Variants in SCO1 observed in about 807,000 individuals in gnomAD.
The protein encoded by SCO1 is cytochrome c oxidase assembly factor SCO1.
In SCO1, 23 loss-of-function variants were observed where a neutral mutation model predicts 34.0. The observed-to-expected ratio is 0.68, with a 90% CI of 0.49 to 0.96. The LOEUF (loss-of-function observed/expected upper bound fraction) is 0.96, where lower values mean the gene tolerates loss of function less well. Among genes scored for constraint, SCO1 ranks in the 40% least tolerant of loss-of-function variants. SCO1 has a pLI of 0.00. For missense variants in SCO1, 404 were observed against 381.6 expected (o/e 1.06, Z -0.49); for synonymous variants, 161 against 145.5 (o/e 1.11, Z -0.77).
Position 10,697,260 on chromosome 17 carries a change from T to A in SCO1, c.248A>T (p.Asp83Val). 2 of 1,561,510 alleles carry A rather than the reference T, an allele frequency of 1.3e-6. No homozygotes were observed. Among genetic ancestry groups the A allele is most frequent in the Non-Finnish European group, 1.7e-6 (2 of 1,152,514 alleles). Residue 83 changes from aspartate to valine, a missense_variant, in exon 1 of 6, where the codon GAC (aspartate) becomes GTC (valine). Coordinates refer to ENST00000255390, the MANE Select transcript of SCO1 (RefSeq NM_004589.4). ...CCCGGGCTTCGAGGGGCGCGTGGAG[T>A]CTCCGGGGCCCTTCTGCGACCACGG... ...PPPWSQKGPG[D>V]STRPSKPGPV...
intron 4 of SCO1, among the ~76,000 whole-genome samples, chr17:10,689,996 C>A (rs1227888783): frequency 6.6e-6 from 1 of 152,132 alleles, no homozygotes; most frequent in East Asian, 1.9e-4. Context: ...GATATCCCTA[C>A]ATAGTAGAAT....
In SCO1 at chr17:10,681,060, T is replaced by C; in HGVS notation, c.*59A>G. The C allele has an allele frequency of 1.9e-6, 3 of 1,597,470 alleles. No homozygotes were observed. In the South Asian group the frequency reaches 3.3e-5, roughly 18 times the overall value. On this transcript the variant is annotated 3_prime_UTR_variant, in exon 6 of 6. Coordinates refer to ENST00000255390, the MANE Select transcript of SCO1 (RefSeq NM_004589.4). ...ATGTTTATATTTATATAGGCTCCTATGCGAGACAGTTTCCTTCCTCTTAGC... is the reference window on the plus strand; with the variant it reads ...ATGTTTATATTTATATAGGCTCCTACGCGAGACAGTTTCCTTCCTCTTAGC...
At chr17:10,686,110 C>T (rs2074653707) in intron 5 of SCO1, among the ~76,000 whole-genome samples, 1 of 152,112 alleles carries the variant, frequency 6.6e-6, no homozygotes, top group Non-Finnish European at 1.5e-5. Context: ...GGCGTGGGAG[C>T]ACATGCCTGT....
chr17:10,695,735 A>G lies in SCO1; in HGVS notation c.364+6T>C, dbSNP rs2074718313. ...TACAGGGCTGAGCAGATGATAATCT[A>G]CTTACTCTCTGCCTTTTCTTTCTTG... is the stretch of plus-strand genomic sequence containing the variant. On this transcript the variant is annotated splice_donor_region_variant and intron_variant, in intron 2 of 5. Transcript: ENST00000255390. 8.2e-6 allele frequency: 13 copies of G among 1,585,842 alleles called. No homozygotes were observed. The highest frequency in any genetic ancestry group is 1.1e-5 in the Non-Finnish European group (13 of 1,154,594).
chr17:10,695,967 G>T, intron 1 of SCO1, 136 bp from the exon 2 acceptor site: 1 of 582,940 alleles, frequency 1.7e-6, no homozygotes, highest in Non-Finnish European at 3.1e-6. Context: ...TCAGGGATGA[G>T]AAAATGCTCA....
intron 1 of SCO1, among the ~76,000 whole-genome samples, chr17:10,696,071 TAAAAAAAA>T (rs869243005): frequency 1.2e-4 from 9 of 73,022 alleles, no homozygotes; most frequent in African/African-American, 4.3e-4. Context: ...TTCATGTAAA[TAAAAAAAA>T]AAAAAAAAAA....
At chr17:10,695,404 A>G (rs1427758425) in intron 2 of SCO1, among the ~76,000 whole-genome samples, 2 of 152,200 alleles carry the variant, frequency 1.3e-5, no homozygotes, top group African/African-American at 4.8e-5. Flanking sequence ...TATCCACAGT[A>G]TATCTTTTAA....
At chr17:10,686,899 C>G (rs1239570420) in intron 4 of SCO1, 57 bp from the exon 5 acceptor site, 15 of 1,126,688 alleles carry the variant, frequency 1.3e-5, no homozygotes, top group Non-Finnish European at 2.0e-5. Context: ...ACAACCATCT[C>G]TACTTCAAAA....
At position 10,674,333 on chromosome 17, in the gene SCO1, G is replaced by A. The variant is rs2074566980; in HGVS notation, c.*6786C>T. ...CCCAGCTACTTGGGAGGCTGAGGCA[G>A]CAGAATCACTTGAACCAGGGAGGTG... On this transcript the variant is annotated 3_prime_UTR_variant, in exon 6 of 6. Coordinates refer to ENST00000255390, the MANE Select transcript of SCO1 (RefSeq NM_004589.4). 1 of 174,346 alleles carries A rather than the reference G, an allele frequency of 5.7e-6. No homozygotes were observed. The allele number at this position is 174,346 out of a possible 1,614,324, so 10.8% of individuals were successfully genotyped here.
At chr17:10,689,050 A>G (rs1490436854) in intron 4 of SCO1, among the ~76,000 whole-genome samples, 1 of 128,358 alleles carries the variant, frequency 7.8e-6, no homozygotes, top group Non-Finnish European at 1.5e-5. Context: ...CGGGAGGCGG[A>G]GCTTGCAGTG....
At position 10,697,246 on chromosome 17, in the gene SCO1, AG is replaced by A. The variant is rs770131276; in HGVS notation, c.261del (p.Ser88ArgfsTer11). The A allele has an allele frequency of 3.7e-5, 58 of 1,558,584 alleles. No homozygotes were observed. Among genetic ancestry groups the A allele is most frequent in the African/African-American group, 5.4e-5 (4 of 73,684 alleles). On this transcript the variant is annotated frameshift_variant, in exon 1 of 6. Coordinates refer to ENST00000255390, the MANE Select transcript of SCO1 (RefSeq NM_004589.4). LOFTEE classifies it high-confidence loss of function. ...SQKGPGDSTR[P>X]SKPGPVSWKS... ...AGGTGTGCACTCACCCCGGGCTTCGAGGGGCGCGTGGAGTCTCCGGGGCCCT... is the reference window on the plus strand; with the variant it reads ...AGGTGTGCACTCACCCCGGGCTTCGAGGGCGCGTGGAGTCTCCGGGGCCCT...
chr17:10,675,928 C>T lies in SCO1; in HGVS notation c.*5191G>A, dbSNP rs2074577495. ...TCACATGTATGACATGGAGACAACA[C>T]ATCCCCACAACGAACTGCATCATAG... On this transcript the variant is annotated 3_prime_UTR_variant, in exon 6 of 6. Transcript: ENST00000255390. 1 of 152,128 alleles carries T rather than the reference C, an allele frequency of 6.6e-6. No individual in the cohort carries two copies. Among genetic ancestry groups the T allele is most frequent in the Non-Finnish European group, 1.5e-5 (1 of 68,026 alleles). The allele number at this position is 152,128 out of a possible 1,614,324, so 9.4% of individuals were successfully genotyped here.
chr17:10,680,124 C>G lies in SCO1; in HGVS notation c.*995G>C, dbSNP rs2074611721. On this transcript the variant is annotated 3_prime_UTR_variant, in exon 6 of 6. Transcript: ENST00000255390. ...CACTTTCTTAAGGGATGGTCCCAGTCCGCCAGCATCCGAGTCACCTGGGGT... is the reference window on the plus strand; with the variant it reads ...CACTTTCTTAAGGGATGGTCCCAGTGCGCCAGCATCCGAGTCACCTGGGGT... 6.6e-6 allele frequency: 1 copy of G among 152,348 alleles called. No homozygotes were observed. Among genetic ancestry groups the G allele is most frequent in the Admixed American group, 6.5e-5 (1 of 15,292 alleles). The allele number at this position is 152,348 out of a possible 1,614,324, so 9.4% of individuals were successfully genotyped here. A position where few individuals can be genotyped will look rare whatever the true frequency, so the allele number is the denominator to read the frequency against.
At chr17:10,688,933 G>A (rs1171759422) in intron 4 of SCO1, among the ~76,000 whole-genome samples, 4 of 142,448 alleles carry the variant, frequency 2.8e-5, no homozygotes, top group Admixed American at 1.4e-4. Flanking sequence ...CGGCTAAAAC[G>A]GTGAAACCCC....
chr17:10,687,804 C>T (rs1477116208), intron 4 of SCO1, among the ~76,000 whole-genome samples: 1 of 152,052 alleles, frequency 6.6e-6, no homozygotes, highest in Non-Finnish European at 1.5e-5. Context: ...TGAAAATTAC[C>T]ATAAAGTCTG....
At position 10,697,345 on chromosome 17, in the gene SCO1, A is replaced by C. The variant is rs1451216290; in HGVS notation, c.163T>G (p.Ser55Ala). 6.3e-7 allele frequency: 1 copy of C among 1,579,356 alleles called. No individual in the cohort carries two copies. Among genetic ancestry groups the C allele is most frequent in the South Asian group, 1.1e-5 (1 of 87,198 alleles). The change falls in exon 1 of 6, where the codon TCG becomes GCG. Residue 55 changes from serine (S) to alanine (A), a missense_variant. By Grantham distance (99) the Ser-to-Ala change is moderately conservative (BLOSUM62 1). Transcript: ENST00000255390. Reference sequence around the variant, plus strand: ...CCCAGGCAATAGCCAGGGCGCCCCGAGGCACGCCACGCCTCCGCTTGCCGC... The same window carrying C: ...CCCAGGCAATAGCCAGGGCGCCCCGCGGCACGCCACGCCTCCGCTTGCCGC... ...CARQAEAWRA[S>A]GRPGYCLGTR...
In SCO1 at chr17:10,696,738, T is replaced by A. The variant is rs533611233; in HGVS notation, c.273+497A>T. ...AAAACCCACTTCTCTTACCACAGGGTAGTGGCTCTCAAGTTATTTCTGGGT... is the reference window on the plus strand; with the variant it reads ...AAAACCCACTTCTCTTACCACAGGGAAGTGGCTCTCAAGTTATTTCTGGGT... On this transcript the variant is annotated intron_variant, in intron 1 of 5. Coordinates refer to ENST00000255390, the MANE Select transcript of SCO1 (RefSeq NM_004589.4). 3.9e-5 allele frequency among the ~76,000 whole-genome samples: 6 copies of A among 152,288 alleles called. No homozygotes were observed. The East Asian group carries it at 9.7e-4, about 25-fold the overall frequency.
At position 10,695,842 on chromosome 17, in the gene SCO1, A is replaced by G. The variant is rs775266573; in HGVS notation, c.274-11T>C. 9.4e-6 allele frequency: 15 copies of G among 1,603,960 alleles called. No individual in the cohort carries two copies. In the East Asian group the frequency reaches 3.1e-4, roughly 33 times the overall value. On this transcript the variant is annotated splice_polypyrimidine_tract_variant and intron_variant, in intron 1 of 5. Coordinates refer to ENST00000255390, the MANE Select transcript of SCO1 (RefSeq NM_004589.4). ...CTTCCAGGAAACAGGCTACTGGGGCAGGGATTTCAAACATAAAAATTCTAG... is the reference window on the plus strand; with the variant it reads ...CTTCCAGGAAACAGGCTACTGGGGCGGGGATTTCAAACATAAAAATTCTAG...
At chr17:10,682,744 C>A (rs924929019) in intron 5 of SCO1, among the ~76,000 whole-genome samples, 1 of 152,202 alleles carries the variant, frequency 6.6e-6, no homozygotes. Context: ...CAGAGGTCTT[C>A]CAAGTTCTAG....
Sources: gnomAD v4.1 joint callset for allele counts (sites outside exome capture counted in the v4.1 genomes callset) on GRCh38, gnomAD v4.1.1 for gene constraint, MANE v1.5 for transcripts, NCBI Gene and HGNC (gene_info 2026-07-23, HGNC 2026-07-21) for gene names.